PIBF1: variants seen among roughly 807,000 people sequenced by gnomAD.
The protein encoded by PIBF1 is progesterone-induced-blocking factor 1.
In PIBF1, 90 loss-of-function variants were observed where a neutral mutation model predicts 112.5. The observed-to-expected ratio is 0.80, with a 90% CI of 0.67 to 0.95. The LOEUF (loss-of-function observed/expected upper bound fraction) is 0.95. PIBF1 is among the 40% of genes least tolerant of loss of function. The pLI is 0.00. For missense variants in PIBF1, 915 were observed against 852.3 expected, an observed-to-expected ratio of 1.07 and a Z score of -0.92; for synonymous variants, 301 against 288.6, an observed-to-expected ratio of 1.04 and a Z score of -0.44.
At chr13:72,972,793 A>C (rs1042180668) in intron 15 of PIBF1, among the ~76,000 whole-genome samples, 2 of 152,226 alleles carry the variant, frequency 1.3e-5, no homozygotes, top group Non-Finnish European at 2.9e-5. Context: ...TTGAAAATCA[A>C]ACTAATAATT....
rs1555316969 is a variant in PIBF1 at position 72,928,028 on chromosome 13, T to TATATATATACACATATACATATATATAC, written c.1731-3128_1731-3127insCACATATACATATATATACATATATATA. Reference sequence around the variant, plus strand: ...ATACATATATATACATATATATACATATATATATATATATATACATATATA... The same window carrying TATATATATACACATATACATATATATAC: ...ATACATATATATACATATATATACATATATATATACACATATACATATATATACATATATATATATATATACATATATA... On this transcript the variant is annotated intron_variant, in intron 13 of 17. Transcript: ENST00000326291. 5.1e-5 allele frequency among the ~76,000 whole-genome samples: 3 copies of TATATATATACACATATACATATATATAC among 58,870 alleles called. No homozygotes were observed. The South Asian group carries it at 2.0e-3, about 38-fold the overall frequency. The allele number at this position is 58,870 out of a possible 152,430, so 38.6% of individuals were successfully genotyped here. A position where few individuals can be genotyped will look rare whatever the true frequency, so the allele number is the denominator to read the frequency against.
intron 11 of PIBF1, among the ~76,000 whole-genome samples, chr13:72,906,822 G>A (rs1271449827): frequency 2.0e-5 from 3 of 151,896 alleles, no homozygotes; most frequent in Admixed American, 1.3e-4. Context: ...GGGGGAGGTG[G>A]GGTACAAATG....
At chr13:72,940,467 ATTATT>A (rs2041982138) in intron 14 of PIBF1, among the ~76,000 whole-genome samples, 1 of 152,090 alleles carries the variant, frequency 6.6e-6, no homozygotes, top group Non-Finnish European at 1.5e-5. Context: ...TACTAATTCT[ATTATT>A]TTGTCATTTC....
rs116750070 is a variant in PIBF1, at chr13:72,856,294, G to A, written c.1322+2139G>A. Among the ~76,000 whole-genome samples the A allele has an allele frequency of 6.9e-3, 1,048 of 152,204 alleles. 15 individuals carry two copies. The highest frequency in any genetic ancestry group is 0.024 in the African/African-American group (1,011 of 41,520). ...ACTAACTGAATTTTGTTCTTCACAA[G>A]TTGATATCTTTCCAACGAATTTTTC... On this transcript the variant is annotated intron_variant, in intron 10 of 17. Transcript: ENST00000326291.
chr13:72,858,744 G>C (rs1004066971), intron 10 of PIBF1, among the ~76,000 whole-genome samples: 1 of 151,984 alleles, frequency 6.6e-6, no homozygotes, highest in Non-Finnish European at 1.5e-5. Flanking sequence ...AACAAAGAGT[G>C]GTTATTAAGA....
At chr13:73,011,754 G>A (rs1443425759) in intron 17 of PIBF1, among the ~76,000 whole-genome samples, 2 of 152,158 alleles carry the variant, frequency 1.3e-5, no homozygotes, top group African/African-American at 4.8e-5. Flanking sequence ...ATTTACGGCA[G>A]TTTCTTTTTC....
chr13:72,986,464 T>C (rs1428519175), intron 16 of PIBF1, among the ~76,000 whole-genome samples: 1 of 152,160 alleles, frequency 6.6e-6, no homozygotes, highest in Non-Finnish European at 1.5e-5. Context: ...CCTACTTCAG[T>C]GTGTTAATAA....
chr13:72,921,525 G>A (rs911231138), intron 13 of PIBF1, among the ~76,000 whole-genome samples: 3 of 152,150 alleles, frequency 2.0e-5, no homozygotes, highest in South Asian at 4.1e-4. Context: ...ATTATTGCTT[G>A]TAATTTAATA....
intron 12 of PIBF1, among the ~76,000 whole-genome samples, chr13:72,913,189 A>G (rs1489283882): frequency 6.6e-6 from 1 of 152,096 alleles, no homozygotes; most frequent in Non-Finnish European, 1.5e-5. Flanking sequence ...ATATATCTTG[A>G]TAGGGTTTGT....
intron 9 of PIBF1, among the ~76,000 whole-genome samples, chr13:72,846,248 T>G (rs879396662): frequency 2.0e-5 from 3 of 152,208 alleles, no homozygotes; most frequent in Non-Finnish European, 4.4e-5. Context: ...AACTCTATTC[T>G]TCCACTTGCC....
intron 11 of PIBF1, 142 bp downstream of exon 11, chr13:72,894,091 G>A (rs562217508): frequency 1.0e-4 from 45 of 440,140 alleles, no homozygotes; most frequent in African/African-American, 8.1e-4. Context: ...AAGGAAATAC[G>A]TATTTCAGAA....
intron 11 of PIBF1, among the ~76,000 whole-genome samples, chr13:72,903,995 T>C (rs570411318): frequency 6.6e-6 from 1 of 152,314 alleles, no homozygotes; most frequent in African/African-American, 2.4e-5. Context: ...CCTCAAAATA[T>C]TGTTTTGATG....
chr13:72,905,533 A>G (rs1011751617), intron 11 of PIBF1, among the ~76,000 whole-genome samples: 9 of 152,198 alleles, frequency 5.9e-5, no homozygotes, highest in Admixed American at 3.9e-4. Context: ...GTATGTTTAA[A>G]AAGACAAGCA....
chr13:72,805,798 T>C (rs1050898142), intron 5 of PIBF1, among the ~76,000 whole-genome samples: 1 of 152,214 alleles, frequency 6.6e-6, no homozygotes, highest in African/African-American at 2.4e-5. Flanking sequence ...GTCTAGAAAC[T>C]AAAGACCTCC....
chr13:72,939,294 A>C (rs1484520430), intron 14 of PIBF1, among the ~76,000 whole-genome samples: 2 of 152,196 alleles, frequency 1.3e-5, no homozygotes, highest in Non-Finnish European at 2.9e-5. Context: ...ATTCATTCAC[A>C]GTGTTGTACA....
chr13:72,800,134 C>G (rs1022471046), intron 5 of PIBF1, among the ~76,000 whole-genome samples: 1 of 152,252 alleles, frequency 6.6e-6, no homozygotes. Context: ...CTCCTGCGTT[C>G]AAGTGATTCT....
At chr13:72,820,647 C>T (rs1566312406) in intron 5 of PIBF1, among the ~76,000 whole-genome samples, 1 of 151,392 alleles carries the variant, frequency 6.6e-6, no homozygotes, top group Admixed American at 6.6e-5. Context: ...ATCTTTGTAT[C>T]TGTAGTGCCT....
At chr13:72,991,008 A>AACCT (rs1334821759) in intron 16 of PIBF1, among the ~76,000 whole-genome samples, 27 of 152,344 alleles carry the variant, frequency 1.8e-4, no homozygotes, top group African/African-American at 5.5e-4. Context: ...ACTTCCATTT[A>AACCT]CCAGTGGAGC....
At chr13:72,797,072 T>C (rs990056622) in intron 4 of PIBF1, among the ~76,000 whole-genome samples, 1 of 152,084 alleles carries the variant, frequency 6.6e-6, no homozygotes, top group African/African-American at 2.4e-5. Flanking sequence ...TGAGCTAGGG[T>C]AGGAAAATTT....
Sources: gnomAD v4.1 joint callset for allele counts (sites outside exome capture counted in the v4.1 genomes callset) on GRCh38, gnomAD v4.1.1 for gene constraint, MANE v1.5 for transcripts, NCBI Gene and HGNC (gene_info 2026-07-23, HGNC 2026-07-21) for gene names.